GP6: variants seen among roughly 807,000 people sequenced by gnomAD.
The protein encoded by GP6 is platelet glycoprotein VI.
In GP6, 45 loss-of-function variants were observed where a neutral mutation model predicts 37.3. The observed-to-expected ratio is 1.21, with a 90% CI of 0.95 to 1.55. The LOEUF (loss-of-function observed/expected upper bound fraction) is 1.55. Among genes scored for constraint, GP6 ranks in the 40% most tolerant of loss-of-function variants. GP6 has a pLI of 0.00. For missense variants in GP6, 813 were observed against 760.2 expected (o/e 1.07, Z -0.82); for synonymous variants, 340 against 316.4 (o/e 1.07, Z -0.79).
At chr19:55,019,834 C>A (rs892091039) in intron 5 of GP6, among the ~76,000 whole-genome samples, 8 of 152,010 alleles carry the variant, frequency 5.3e-5, no homozygotes, top group Non-Finnish European at 8.8e-5. Context: ...CCCGCCACCA[C>A]GCCTGGCTAA....
intron 1 of GP6, among the ~76,000 whole-genome samples, chr19:55,033,523 T>TCG: frequency 2.8e-5 from 4 of 142,876 alleles, no homozygotes; most frequent in African/African-American, 1.0e-4. Context: ...GTGGGCTCGT[T>TCG]TGTGTTGTGT....
In GP6 at chr19:55,014,066, A is replaced by G. The variant is rs1036419206; in HGVS notation, c.*16T>C. On this transcript the variant is annotated 3_prime_UTR_variant, in exon 8 of 8. Coordinates refer to ENST00000310373, the MANE Select transcript of GP6 (RefSeq NM_001083899.2). ...TGGACAGCAATATTGCAGTACATGT[A>G]TACAACGTGCTATGATCAAATCAGG... The G allele has an allele frequency of 1.3e-5, 8 of 620,336 alleles. No individual in the cohort carries two copies. The East Asian group carries it at 2.3e-4, about 18-fold the overall frequency. The allele number at this position is 620,336 out of a possible 1,614,324, so 38.4% of individuals were successfully genotyped here. A position where few individuals can be genotyped will look rare whatever the true frequency, so the allele number is the denominator to read the frequency against.
rs779552982 is a variant in GP6, at chr19:55,027,602, C to A, written c.586G>T (p.Asp196Tyr). ...CCTGTGACCACAAGCTCCAGGGGGT[C>A]GCTGGGGGCTGACCACAGGTATGGG... The change falls in exon 4 of 8, where the codon GAC becomes TAC. Residue 196 changes from aspartate to tyrosine, a missense_variant. Coordinates refer to ENST00000310373, the MANE Select transcript of GP6 (RefSeq NM_001083899.2). The A allele has an allele frequency of 6.2e-7, 1 of 1,613,528 alleles. No individual in the cohort carries two copies. The highest frequency in any genetic ancestry group is 1.7e-5 in the Admixed American group (1 of 60,028).
At chr19:55,018,996 A>AT (rs2073976150) in intron 5 of GP6, among the ~76,000 whole-genome samples, 1 of 152,196 alleles carries the variant, frequency 6.6e-6, no homozygotes, top group Admixed American at 6.5e-5. Context: ...TTGTGTGAAC[A>AT]TAAGTTTTCT....
rs1023659443 is a variant in GP6 at position 55,013,837 on chromosome 19, T to C, written c.*245A>G. 3 of 344,854 alleles carry C rather than the reference T, an allele frequency of 8.7e-6. No homozygotes were observed. The highest frequency in any genetic ancestry group is 3.8e-5 in the Admixed American group (1 of 26,152). 21.4% of individuals were successfully genotyped at this position (344,854 alleles called of 1,614,324 possible). Reference sequence around the variant, plus strand: ...TCCCACAGTGCTAGGATTACAGACATGATCCACTGCACTTGGCCCAGTGGT... The same window carrying C: ...TCCCACAGTGCTAGGATTACAGACACGATCCACTGCACTTGGCCCAGTGGT... On this transcript the variant is annotated 3_prime_UTR_variant, in exon 8 of 8. Transcript: ENST00000310373.
intron 4 of GP6, among the ~76,000 whole-genome samples, chr19:55,025,751 C>T (rs912024957): frequency 6.6e-6 from 1 of 151,480 alleles, no homozygotes; most frequent in African/African-American, 2.4e-5. Flanking sequence ...CCTGTAATCC[C>T]AGCACTTTGA....
At chr19:55,024,327 T>TGCACGCACACGCAC (rs1568613211) in intron 5 of GP6, among the ~76,000 whole-genome samples, 3 of 30,256 alleles carry the variant, frequency 9.9e-5, no homozygotes, top group East Asian at 1.5e-3. Context: ...CACACACACA[T>TGCACGCACACGCAC]ATGCACGCAC....
chr19:55,019,404 A>C (rs561599303), intron 5 of GP6, among the ~76,000 whole-genome samples: 1 of 152,134 alleles, frequency 6.6e-6, no homozygotes, highest in African/African-American at 2.4e-5. Context: ...CTGGCCACAG[A>C]CTGTTTTTCA....
At chr19:55,029,417 A>G (rs62122006) in intron 3 of GP6, among the ~76,000 whole-genome samples, 39,839 of 78,620 alleles carry the variant, frequency 0.51, 11,188 homozygotes, top group East Asian at 0.59. Flanking sequence ...GGGAAACAGA[A>G]TCTCACTCTG....
At chr19:55,017,278 G>A (rs1207888984) in intron 6 of GP6, among the ~76,000 whole-genome samples, 1 of 151,888 alleles carries the variant, frequency 6.6e-6, no homozygotes, top group African/African-American at 2.4e-5. Context: ...CACCACGCCC[G>A]GCTAATTTTT....
chr19:55,016,038 G>T lies in GP6; in HGVS notation c.725-305C>A, dbSNP rs557608863. Among the ~76,000 whole-genome samples, 448 of 152,136 alleles carry T rather than the reference G, an allele frequency of 2.9e-3. 7 individuals are homozygous for T. The highest frequency in any genetic ancestry group is 0.01 in the African/African-American group (434 of 41,506). ...CCAGTAATCCCAGCTACTCAGTGGA[G>T]GCTGAGGCAGGAAGATCACCTGAGC... On this transcript the variant is annotated intron_variant, in intron 6 of 7. Transcript: ENST00000310373.
chr19:55,018,017 G>A (rs534060601), intron 6 of GP6, among the ~76,000 whole-genome samples: 5 of 152,214 alleles, frequency 3.3e-5, no homozygotes, highest in South Asian at 2.1e-4. Flanking sequence ...ACAGTGAGCC[G>A]AGATCGCACC....
At chr19:55,032,565 G>A (rs765736411) in intron 1 of GP6, 27 bp from the exon 2 acceptor site, 3 of 1,612,874 alleles carry the variant, frequency 1.9e-6, no homozygotes, top group South Asian at 2.2e-5. Flanking sequence ...GGGACCAGAT[G>A]CCAGGACTCG....
Position 55,014,266 on chromosome 19 carries a change from G to A in GP6, c.1679C>T (p.Ala560Val). ...GTATAGGGATGCACCACCACACCTG[G>A]CTAATTTTTGTGTTTTTTTGTTTTG... Residue 560 changes from alanine to valine, a missense_variant, in exon 8 of 8, where the codon GCC (alanine) becomes GTC (valine). By Grantham distance (64) the Ala-to-Val change is moderately conservative (BLOSUM62 0). Transcript: ENST00000310373. 3.4e-6 allele frequency: 4 copies of A among 1,166,544 alleles called. No homozygotes were observed. The highest frequency in any genetic ancestry group is 5.1e-6 in the Non-Finnish European group (4 of 781,576). 72.3% of individuals were successfully genotyped at this position (1,166,544 alleles called of 1,614,324 possible).
Position 55,032,395 on chromosome 19 carries a change from T to C in GP6, c.69A>G (p.Gly23=), listed in dbSNP as rs750477581. ...CCTGGAGGGAGGGCTTGGGGAGCGG[T>C]CCTGGAAGAGGAGCAGGGCTGGGTC... The change falls in exon 3 of 8, where the codon GGA becomes GGG. Residue 23 remains glycine, a splice_region_variant and synonymous_variant. Coordinates refer to ENST00000310373, the MANE Select transcript of GP6 (RefSeq NM_001083899.2). 56 of 1,612,626 alleles carry C rather than the reference T, an allele frequency of 3.5e-5. No individual in the cohort carries two copies. The highest frequency in any genetic ancestry group is 1.0e-4 in the Admixed American group (6 of 59,858).
In GP6 at chr19:55,027,681, C is replaced by T. The variant is rs5030705; in HGVS notation, c.507G>A (p.Thr169=). The change falls in exon 4 of 8, where the codon ACG becomes ACA. Residue 169 remains threonine, a synonymous_variant. Coordinates refer to ENST00000310373, the MANE Select transcript of GP6 (RefSeq NM_001083899.2). ...AGGTTCCGCTGTGGGCGGCGGTCACCGTGATGATGGGAAAACTAGCCCTGT... is the reference window on the plus strand; with the variant it reads ...AGGTTCCGCTGTGGGCGGCGGTCACTGTGATGATGGGAAAACTAGCCCTGT... 0.19 allele frequency: 303,043 copies of T among 1,611,158 alleles called. 32,180 individuals carry two copies. The highest frequency in any genetic ancestry group is 0.22 in the Non-Finnish European group (257,637 of 1,177,288).
intron 5 of GP6, among the ~76,000 whole-genome samples, chr19:55,023,863 T>C (rs1223441463): frequency 1.3e-5 from 2 of 152,106 alleles, no homozygotes; most frequent in Non-Finnish European, 2.9e-5. Flanking sequence ...ATGATCCCAT[T>C]TACATCAGAT....
At position 55,024,304 on chromosome 19, in the gene GP6, A is replaced by ACACGCACGCACACG. The variant is rs1568612804; in HGVS notation, c.664+913_664+914insCGTGTGCGTGCGTG. Among the ~76,000 whole-genome samples, 720 of 75,766 alleles carry ACACGCACGCACACG rather than the reference A, an allele frequency of 9.5e-3. 12 individuals are homozygous for ACACGCACGCACACG. Among genetic ancestry groups the ACACGCACGCACACG allele is most frequent in the African/African-American group, 0.035 (686 of 19,486 alleles). The allele number at this position is 75,766 out of a possible 152,430, so 49.7% of individuals were successfully genotyped here. A position where few individuals can be genotyped will look rare whatever the true frequency, so the allele number is the denominator to read the frequency against. On this transcript the variant is annotated intron_variant, in intron 5 of 7. Coordinates refer to ENST00000310373, the MANE Select transcript of GP6 (RefSeq NM_001083899.2). ...CACACACACATATGCACGCATGCAC[A>ACACGCACGCACACG]CACATATGCACGCACACACACATAT...
chr19:55,027,983 G>T, intron 3 of GP6, 121 bp from the exon 4 acceptor site: 1 of 937,638 alleles, frequency 1.1e-6, no homozygotes, highest in Non-Finnish European at 1.7e-6. Flanking sequence ...CCCAGAGAGC[G>T]CACTCCCCCA....
Sources: allele counts gnomAD v4.1 joint callset (sites outside exome capture counted in the v4.1 genomes callset), GRCh38; gene constraint gnomAD v4.1.1; transcripts MANE v1.5; gene names NCBI Gene and HGNC (gene_info 2026-07-23, HGNC 2026-07-21).